MACROD2: variants seen among roughly 807,000 people sequenced by gnomAD.
MACROD2 encodes ADP-ribose glycohydrolase MACROD2.
In MACROD2, 36 loss-of-function variants were observed where a neutral mutation model predicts 70.4. That is an observed-to-expected ratio of 0.51 (90% CI 0.39 to 0.68). The LOEUF is 0.68. Ranked by LOEUF, MACROD2 falls within the 30% of genes least tolerant of loss-of-function variation. MACROD2 has a pLI of 0.00. For missense variants in MACROD2, 496 were observed against 538.4 expected (o/e 0.92, Z 0.78); for synonymous variants, 172 against 178.8 (o/e 0.96, Z 0.30).
At chr20:15,412,268 T>G (rs1489184978) in intron 6 of MACROD2, among the ~76,000 whole-genome samples, 1 of 152,038 alleles carries the variant, frequency 6.6e-6, no homozygotes, top group Non-Finnish European at 1.5e-5. Flanking sequence ...TGGGATATAA[T>G]TTTGCATATG....
At chr20:15,445,526 C>G (rs1007025974) in intron 7 of MACROD2, among the ~76,000 whole-genome samples, 2 of 152,086 alleles carry the variant, frequency 1.3e-5, no homozygotes, top group African/African-American at 4.8e-5. Context: ...TGTAAGACAG[C>G]AGATTCTTAC....
At chr20:15,834,756 CATTTT>C (rs572528212) in intron 8 of MACROD2, among the ~76,000 whole-genome samples, 9 of 152,042 alleles carry the variant, frequency 5.9e-5, no homozygotes, top group Non-Finnish European at 1.0e-4. Context: ...TGTAGTAAAA[CATTTT>C]GTTTTGTTTT....
At chr20:15,838,147 C>CT (rs969814404) in intron 8 of MACROD2, among the ~76,000 whole-genome samples, 84 of 150,626 alleles carry the variant, frequency 5.6e-4, no homozygotes, top group Middle Eastern at 3.4e-3. Flanking sequence ...GAATATCAAG[C>CT]TTTTTTTTTA....
chr20:15,195,614 C>A (rs146231293), intron 5 of MACROD2, among the ~76,000 whole-genome samples: 2 of 152,106 alleles, frequency 1.3e-5, no homozygotes, highest in Non-Finnish European at 1.5e-5. Context: ...GAAAAAGGAA[C>A]GCTGTTACAC....
chr20:15,768,868 C>T (rs1180322638), intron 8 of MACROD2, among the ~76,000 whole-genome samples: 1 of 151,986 alleles, frequency 6.6e-6, no homozygotes, highest in Non-Finnish European at 1.5e-5. Context: ...AACAAAAATA[C>T]ACACGTTACC....
chr20:14,695,434 C>T (rs1362053240), intron 5 of MACROD2, among the ~76,000 whole-genome samples: 1 of 152,292 alleles, frequency 6.6e-6, no homozygotes, highest in Admixed American at 6.5e-5. Flanking sequence ...AACTTAATTG[C>T]ATTTACGTAG....
chr20:14,600,614 A>C (rs1346220623), intron 4 of MACROD2, among the ~76,000 whole-genome samples: 1 of 152,166 alleles, frequency 6.6e-6, no homozygotes, highest in African/African-American at 2.4e-5. Flanking sequence ...TTTTCATTTT[A>C]CAGGTGAGGA....
chr20:15,337,008 C>T (rs990446542), intron 6 of MACROD2, among the ~76,000 whole-genome samples: 1 of 151,658 alleles, frequency 6.6e-6, no homozygotes, highest in African/African-American at 2.4e-5. Flanking sequence ...TTGACATAGT[C>T]TTCTCACTTT....
At chr20:15,318,763 A>C (rs2077841673) in intron 6 of MACROD2, among the ~76,000 whole-genome samples, 1 of 152,152 alleles carries the variant, frequency 6.6e-6, no homozygotes, top group African/African-American at 2.4e-5. Flanking sequence ...CACAATCCAA[A>C]ACCTTTCATG....
chr20:14,400,635 A>T (rs1292316833), intron 3 of MACROD2, among the ~76,000 whole-genome samples: 1 of 152,150 alleles, frequency 6.6e-6, no homozygotes, highest in Non-Finnish European at 1.5e-5. Context: ...CTACACTGTC[A>T]TGTGGAAAAT....
intron 5 of MACROD2, among the ~76,000 whole-genome samples, chr20:15,168,396 C>T (rs1222343760): frequency 6.6e-6 from 1 of 150,696 alleles, no homozygotes; most frequent in Non-Finnish European, 1.5e-5. Flanking sequence ...CAAAAGTTTG[C>T]CGACATGGTC....
At chr20:14,872,699 A>T (rs1168100488) in intron 5 of MACROD2, among the ~76,000 whole-genome samples, 1 of 152,134 alleles carries the variant, frequency 6.6e-6, no homozygotes, top group Non-Finnish European at 1.5e-5. Context: ...AAATATAGGA[A>T]TATTACCCAT....
chr20:15,089,144 A>G lies in MACROD2; in HGVS notation c.419-140796A>G, dbSNP rs990769962. On this transcript the variant is annotated intron_variant, in intron 5 of 17. Coordinates refer to ENST00000684519, the MANE Select transcript of MACROD2 (RefSeq NM_001351661.2). ...CATGTATTAGCTTAAGTAAAATGCA[A>G]TGCCTTGCAAAGATCTGTCATTCTA... is the stretch of plus-strand genomic sequence containing the variant. 2.0e-5 allele frequency among the ~76,000 whole-genome samples: 3 copies of G among 152,128 alleles called. 1 individual carries two copies. Among genetic ancestry groups the G allele is most frequent in the Admixed American group, 1.3e-4 (2 of 15,256 alleles).
At chr20:14,573,349 C>T (rs1366514788) in intron 4 of MACROD2, among the ~76,000 whole-genome samples, 1 of 152,064 alleles carries the variant, frequency 6.6e-6, no homozygotes, top group East Asian at 1.9e-4. Flanking sequence ...TTGTGGTATG[C>T]CAAGTTCCTG....
At chr20:15,427,362 C>A (rs1600396653) in intron 6 of MACROD2, among the ~76,000 whole-genome samples, 1 of 152,164 alleles carries the variant, frequency 6.6e-6, no homozygotes, top group African/African-American at 2.4e-5. Context: ...GCAAATGAAA[C>A]TTGTCATTAA....
At chr20:14,844,242 G>C (rs2073116285) in intron 5 of MACROD2, among the ~76,000 whole-genome samples, 1 of 151,920 alleles carries the variant, frequency 6.6e-6, no homozygotes, top group African/African-American at 2.4e-5. Flanking sequence ...CAAAGTACTG[G>C]TTCAAAAAAG....
At chr20:15,271,844 C>T (rs1178453633) in intron 6 of MACROD2, among the ~76,000 whole-genome samples, 2 of 152,168 alleles carry the variant, frequency 1.3e-5, no homozygotes, top group African/African-American at 2.4e-5. Flanking sequence ...GTGCTACCTA[C>T]ACGTGGTTAA....
chr20:15,114,662 A>G lies in MACROD2; in HGVS notation c.419-115278A>G, dbSNP rs189171982. On this transcript the variant is annotated intron_variant, in intron 5 of 17. Transcript: ENST00000684519. ...ATGGAAACCAAGACATACAAAATGT[A>G]TTTTTCTAAGTTTCTATATTTGTGG... Among the ~76,000 whole-genome samples, 421 of 152,326 alleles carry G rather than the reference A, an allele frequency of 2.8e-3. 2 individuals are homozygous for G. Among genetic ancestry groups the G allele is most frequent in the Admixed American group, 5.5e-3 (84 of 15,294 alleles).
intron 3 of MACROD2, among the ~76,000 whole-genome samples, chr20:14,364,603 C>T (rs1274959556): frequency 6.6e-6 from 1 of 152,150 alleles, no homozygotes; most frequent in Non-Finnish European, 1.5e-5. Flanking sequence ...CCCTATTTTC[C>T]CTGGTCCCTT....
Sources: gnomAD v4.1 joint callset for allele counts (sites outside exome capture counted in the v4.1 genomes callset) on GRCh38, gnomAD v4.1.1 for gene constraint, MANE v1.5 for transcripts, NCBI Gene and HGNC (gene_info 2026-07-23, HGNC 2026-07-21) for gene names.